PTPRR: variants seen among roughly 807,000 people sequenced by gnomAD.
PTPRR encodes the protein receptor-type tyrosine-protein phosphatase R.
PTPRR carries 38 observed loss-of-function variants against 77.2 expected under a neutral mutation model. The ratio of observed to expected loss-of-function variants is 0.49; its 90% CI spans 0.38 to 0.65. PTPRR has a LOEUF of 0.65. Ranked by LOEUF, PTPRR falls within the 30% of genes least tolerant of loss-of-function variation. The pLI, the probability that PTPRR is intolerant of heterozygous loss-of-function variation, is 0.00. For synonymous variants in PTPRR, 299 were observed against 283.1 expected (o/e 1.06, Z -0.57); for missense variants, 744 against 799.2 (o/e 0.93, Z 0.83).
At chr12:70,662,037 C>T (rs967618657) in intron 11 of PTPRR, among the ~76,000 whole-genome samples, 5 of 152,194 alleles carry the variant, frequency 3.3e-5, no homozygotes, top group African/African-American at 1.2e-4. Flanking sequence ...ATTACTGTAA[C>T]TCCACGCTTC....
rs959676331 is a variant in PTPRR, at chr12:70,703,071, G to A, written c.1008-1748C>T. Among the ~76,000 whole-genome samples the A allele has an allele frequency of 4.0e-5, 6 of 150,476 alleles. 1 individual carries two copies. Among genetic ancestry groups the A allele is most frequent in the Non-Finnish European group, 7.4e-5 (5 of 67,726 alleles). On this transcript the variant is annotated intron_variant, in intron 6 of 13. Transcript: ENST00000283228. ...TTCTACTGGATTTGTCAAAGCCTGA[G>A]ATATGTATGTGAGTCTTCCACAATA...
chr12:70,868,935 C>G (rs921236627), intron 2 of PTPRR, among the ~76,000 whole-genome samples: 2 of 147,318 alleles, frequency 1.4e-5, no homozygotes, highest in African/African-American at 5.0e-5. Flanking sequence ...ATCACAAGGA[C>G]AAAAAACCAA....
chr12:70,729,779 A>G (rs80151984), intron 6 of PTPRR, among the ~76,000 whole-genome samples: 3,560 of 152,126 alleles, frequency 0.023, 164 homozygotes, highest in African/African-American at 0.082. Flanking sequence ...GCAGCTTACA[A>G]TTTAGTTTAC....
At chr12:70,697,846 G>A (rs554653790) in intron 8 of PTPRR, among the ~76,000 whole-genome samples, 1 of 152,254 alleles carries the variant, frequency 6.6e-6, no homozygotes, top group South Asian at 2.1e-4. Flanking sequence ...TAGCCATAAT[G>A]TGTGGCACAA....
intron 1 of PTPRR, among the ~76,000 whole-genome samples, chr12:70,900,686 A>G (rs555540097): frequency 6.6e-6 from 1 of 151,648 alleles, no homozygotes; most frequent in Non-Finnish European, 1.5e-5. Context: ...TACCAAAAAA[A>G]TTAACCCAGT....
chr12:70,908,449 T>C (rs1347514739), intron 1 of PTPRR, among the ~76,000 whole-genome samples: 2 of 152,120 alleles, frequency 1.3e-5, no homozygotes, highest in Non-Finnish European at 2.9e-5. Flanking sequence ...AACACATCCC[T>C]CTTCACATGG....
intron 2 of PTPRR, among the ~76,000 whole-genome samples, chr12:70,878,470 C>T (rs1024086457): frequency 3.0e-4 from 46 of 152,162 alleles, no homozygotes; most frequent in African/African-American, 2.4e-5. Flanking sequence ...CAAAAGAAGA[C>T]ATTTATGCAG....
chr12:70,911,065 G>A (rs1305202847), intron 1 of PTPRR, among the ~76,000 whole-genome samples: 1 of 152,174 alleles, frequency 6.6e-6, no homozygotes, highest in East Asian at 1.9e-4. Flanking sequence ...CTGGGTTTTA[G>A]GGGAGTGGTG....
chr12:70,718,153 G>A (rs2136835010), intron 6 of PTPRR, among the ~76,000 whole-genome samples: 1 of 152,232 alleles, frequency 6.6e-6, no homozygotes, highest in African/African-American at 2.4e-5. Context: ...ATTTTTTATA[G>A]AATTGGAATT....
chr12:70,684,310 C>G, intron 9 of PTPRR, 46 bp from the exon 10 acceptor site: 1 of 1,583,968 alleles, frequency 6.3e-7, no homozygotes, highest in Non-Finnish European at 8.6e-7. Context: ...AAGTTCATGC[C>G]TTGCAGTGAA....
chr12:70,797,429 T>C (rs1177918577), intron 2 of PTPRR, among the ~76,000 whole-genome samples: 1 of 152,176 alleles, frequency 6.6e-6, no homozygotes, highest in African/African-American at 2.4e-5. Flanking sequence ...TAAATATATA[T>C]AAGCTACCTT....
intron 2 of PTPRR, among the ~76,000 whole-genome samples, chr12:70,853,192 C>G (rs1450647381): frequency 6.6e-6 from 1 of 152,166 alleles, no homozygotes; most frequent in Non-Finnish European, 1.5e-5. Flanking sequence ...GTGCTAAGGG[C>G]TTCTCATATA....
intron 2 of PTPRR, among the ~76,000 whole-genome samples, chr12:70,775,270 ATTCCTTTGTCAG>A (rs1891064819): frequency 6.6e-6 from 1 of 152,178 alleles, no homozygotes; most frequent in Non-Finnish European, 1.5e-5. Flanking sequence ...GTCTTGTTAG[ATTCCTTTGTCAG>A]TTCCCCACTA....
intron 2 of PTPRR, among the ~76,000 whole-genome samples, chr12:70,844,068 G>A (rs1892443782): frequency 1.3e-5 from 2 of 151,808 alleles, no homozygotes; most frequent in Admixed American, 1.3e-4. Flanking sequence ...CACCCACCTC[G>A]GCCTCCCAAA....
chr12:70,885,498 G>A (rs11178473), intron 2 of PTPRR, among the ~76,000 whole-genome samples: 18,349 of 150,974 alleles, frequency 0.12, 2,063 homozygotes, highest in African/African-American at 0.3. Context: ...AATATATAGA[G>A]AGAGCAAGAT....
intron 13 of PTPRR, among the ~76,000 whole-genome samples, chr12:70,651,432 T>G (rs1232907512): frequency 2.0e-5 from 3 of 152,230 alleles, no homozygotes; most frequent in African/African-American, 7.2e-5. Context: ...TTTTAGACAT[T>G]CGCTATACAT....
chr12:70,743,791 A>T (rs1488732836), intron 6 of PTPRR, among the ~76,000 whole-genome samples: 2 of 152,180 alleles, frequency 1.3e-5, no homozygotes, highest in Non-Finnish European at 2.9e-5. Context: ...CACTTTAATG[A>T]AATGAATAAG....
intron 10 of PTPRR, among the ~76,000 whole-genome samples, chr12:70,676,006 T>C (rs1887432192): frequency 6.6e-6 from 1 of 151,894 alleles, no homozygotes; most frequent in Non-Finnish European, 1.5e-5. Flanking sequence ...CTAGGATTTA[T>C]TGTGCTTTTT....
At chr12:70,920,072 G>A (rs377701647) in intron 1 of PTPRR, among the ~76,000 whole-genome samples, 14 of 151,996 alleles carry the variant, frequency 9.2e-5, no homozygotes, top group African/African-American at 3.1e-4. Flanking sequence ...GCGAAGGGGG[G>A]AGCAAACCTG....
Sources: gnomAD v4.1 joint callset for allele counts (sites outside exome capture counted in the v4.1 genomes callset) on GRCh38, gnomAD v4.1.1 for gene constraint, MANE v1.5 for transcripts, NCBI Gene and HGNC (gene_info 2026-07-23, HGNC 2026-07-21) for gene names.